The following EXOSC6 variants were observed in gnomAD, a reference collection of about 807,000 sequenced individuals.
The protein encoded by EXOSC6 is exosome component 6, also known as exosome complex component MTR3.
Under a neutral mutation model 16.7 loss-of-function variants are expected in EXOSC6, and 21 were observed. The ratio of observed to expected loss-of-function variants is 1.26; its 90% CI spans 0.89 to 1.82. EXOSC6 has a LOEUF of 1.82. Among genes scored for constraint, EXOSC6 ranks in the 40% most tolerant of loss-of-function variants. The probability of loss-of-function intolerance (pLI) is 0.00; values close to 1 mark genes in which losing one functional copy is unlikely to be tolerated. For missense variants in EXOSC6, 538 were observed against 415.7 expected, an observed-to-expected ratio of 1.29 and a Z score of -2.56; for synonymous variants, 297 against 217.1, an observed-to-expected ratio of 1.37 and a Z score of -3.24.
At position 70,250,666 on chromosome 16, in the gene EXOSC6, C is replaced by CAAAAAAAAAAAAAAAAA. The variant is rs11332602; in HGVS notation, c.*399_*415dup. ...CCTGGGCAACAGAACAAGACTCCATCAAAAAAAAAAAAAAAAAAAAAAGAA... is the reference window on the plus strand; with the variant it reads ...CCTGGGCAACAGAACAAGACTCCATCAAAAAAAAAAAAAAAAAAAAAAAAAAAAAAAAAAAAAAAGAA... On this transcript the variant is annotated 3_prime_UTR_variant, in exon 1 of 1. Coordinates refer to ENST00000435634, the MANE Select transcript of EXOSC6 (RefSeq NM_058219.3). 1 of 77,424 alleles carries CAAAAAAAAAAAAAAAAA rather than the reference C, an allele frequency of 1.3e-5. No homozygotes were observed. Among genetic ancestry groups the CAAAAAAAAAAAAAAAAA allele is most frequent in the African/African-American group, 4.6e-5 (1 of 21,920 alleles). The allele number at this position is 77,424 out of a possible 1,614,324, so 4.8% of individuals were successfully genotyped here. A position where few individuals can be genotyped will look rare whatever the true frequency, so the allele number is the denominator to read the frequency against.
rs550865784 is a variant in EXOSC6, at chr16:70,250,285, G to A, written c.*797C>T. The A allele has an allele frequency of 6.6e-6, 1 of 152,190 alleles. No individual in the cohort carries two copies. Among genetic ancestry groups the A allele is most frequent in the African/African-American group, 2.4e-5 (1 of 41,500 alleles). The allele number at this position is 152,190 out of a possible 1,614,324, so 9.4% of individuals were successfully genotyped here. ...CCCTGAATGCTACAGCATTATCCAG[G>A]GCCGCAGAAAACACACATAATACTT... On this transcript the variant is annotated 3_prime_UTR_variant, in exon 1 of 1. Coordinates refer to ENST00000435634, the MANE Select transcript of EXOSC6 (RefSeq NM_058219.3).
rs765097066 is a variant in EXOSC6, at chr16:70,251,778, C to G, written c.123G>C (p.Ala41=). 1.4e-6 allele frequency: 2 copies of G among 1,457,034 alleles called. No individual in the cohort carries two copies. The highest frequency in any genetic ancestry group is 5.8e-5 in the East Asian group (2 of 34,688). 90.3% of individuals were successfully genotyped at this position (1,457,034 alleles called of 1,614,324 possible). The change falls in exon 1 of 1, where the codon GCG becomes GCC. Residue 41 remains alanine, a synonymous_variant. Coordinates refer to ENST00000435634, the MANE Select transcript of EXOSC6 (RefSeq NM_058219.3). ...TGGCCTGGCTCAGCAGCCCGGCGCG[C>G]GCGTACACGGGCCGTAGCCGCGTTG... ...RDPTRLRPVY[A]RAGLLSQAKG...
rs1209862316 is a variant in EXOSC6, at chr16:70,250,702, AAAG to A, written c.*377_*379del. 2 of 201,088 alleles carry A rather than the reference AAAG, an allele frequency of 9.9e-6. No homozygotes were observed. The highest frequency in any genetic ancestry group is 4.7e-5 in the African/African-American group (2 of 42,928). 12.5% of individuals were successfully genotyped at this position (201,088 alleles called of 1,614,324 possible). ...AAAAAAAAAAAAGAAAGAAAGAAGA[AAAG>A]AAAATTAGCCAGGTGTGGTTGCATG... On this transcript the variant is annotated 3_prime_UTR_variant, in exon 1 of 1. Coordinates refer to ENST00000435634, the MANE Select transcript of EXOSC6 (RefSeq NM_058219.3).
At position 70,251,186 on chromosome 16, in the gene EXOSC6, C is replaced by T; in HGVS notation, c.715G>A (p.Glu239Lys). 6.6e-7 allele frequency: 1 copy of T among 1,519,558 alleles called. No homozygotes were observed. The highest frequency in any genetic ancestry group is 8.8e-7 in the Non-Finnish European group (1 of 1,141,868). The allele number at this position is 1,519,558 out of a possible 1,614,324, so 94.1% of individuals were successfully genotyped here. A position where few individuals can be genotyped will look rare whatever the true frequency, so the allele number is the denominator to read the frequency against. ...CCCTCGAGGCCCAGGCGTACGGCCT[C>T]CGCCCAGCTCTCTGTCAGGCCGCCC... ...GEGGLTESWAEAVRLGLEGCQ... is the reference protein window; with the variant it reads ...GEGGLTESWAKAVRLGLEGCQ... The change falls in exon 1 of 1, where the codon GAG (glutamate) becomes AAG (lysine). Residue 239 changes from glutamate to lysine, a missense_variant. Glu to Lys is a moderately conservative substitution (Grantham distance 56). Transcript: ENST00000435634.
chr16:70,251,755 G>C lies in EXOSC6; in HGVS notation c.146C>G (p.Ala49Gly), dbSNP rs1457024405. The C allele has an allele frequency of 1.1e-5, 16 of 1,427,996 alleles. No individual in the cohort carries two copies. The highest frequency in any genetic ancestry group is 1.5e-5 in the Non-Finnish European group (16 of 1,102,342). The allele number at this position is 1,427,996 out of a possible 1,614,324, so 88.5% of individuals were successfully genotyped here. ...CGCCTCCAGGTAGGCCGAGCCCTTG[G>C]CCTGGCTCAGCAGCCCGGCGCGCGC... The part of the protein sequence containing the change: ...VYARAGLLSQ[A>G]KGSAYLEAGG... The change falls in exon 1 of 1, where the codon GCC becomes GGC. Residue 49 changes from alanine to glycine, a missense_variant. Transcript: ENST00000435634.
In EXOSC6 at chr16:70,251,564, G is replaced by C. The variant is rs1413538349; in HGVS notation, c.337C>G (p.Pro113Ala). The C allele has an allele frequency of 8.8e-7, 1 of 1,136,048 alleles. No homozygotes were observed. The highest frequency in any genetic ancestry group is 1.6e-5 in the African/African-American group (1 of 60,654). The allele number at this position is 1,136,048 out of a possible 1,614,324, so 70.4% of individuals were successfully genotyped here. ...APFAGRRRRA[P>A]PGGCEERELA... ...TCACGCTCCTCGCAGCCGCCCGGGGGAGCGCGGCGCCGGCGGCCCGCGAAG... is the reference window on the plus strand; with the variant it reads ...TCACGCTCCTCGCAGCCGCCCGGGGCAGCGCGGCGCCGGCGGCCCGCGAAG... Residue 113 changes from proline (P) to alanine (A), a missense_variant, in exon 1 of 1, where the codon CCC (proline) becomes GCC (alanine). Pro to Ala is a conservative substitution (Grantham distance 27, BLOSUM62 -1). Coordinates refer to ENST00000435634, the MANE Select transcript of EXOSC6 (RefSeq NM_058219.3).
rs1959832314 is a variant in EXOSC6 at position 70,251,828 on chromosome 16, C to T, written c.73G>A (p.Glu25Lys). The stretch of plus-strand genomic sequence containing the variant: ...GGGTCGCGGGTGCCGGGCGCCTCCT[C>T]CTCGTCGGCCGCGTACAGCTGCGGC... ...QPPQLYAADE[E>K]EAPGTRDPTR... Residue 25 changes from glutamate to lysine, a missense_variant, in exon 1 of 1, where the codon GAG becomes AAG. Physicochemically the swap from Glu to Lys is moderately conservative, Grantham distance 56. Coordinates refer to ENST00000435634, the MANE Select transcript of EXOSC6 (RefSeq NM_058219.3). 7.8e-6 allele frequency: 12 copies of T among 1,539,772 alleles called. No homozygotes were observed. In the East Asian group the frequency reaches 1.6e-4, roughly 20 times the overall value.
chr16:70,251,491 C>G lies in EXOSC6; in HGVS notation c.410G>C (p.Gly137Ala). The G allele has an allele frequency of 7.6e-7, 1 of 1,310,048 alleles. No homozygotes were observed. Among genetic ancestry groups the G allele is most frequent in the Non-Finnish European group, 9.7e-7 (1 of 1,026,520 alleles). 81.2% of individuals were successfully genotyped at this position (1,310,048 alleles called of 1,614,324 possible). The stretch of plus-strand genomic sequence containing the variant: ...CTCGAGCTGCGCGCGCGGGTAGCGG[C>G]CCAGGCGCACAGCCGGCTCCAGCGC... Reference protein sequence around the residue: ...QEALEPAVRLGRYPRAQLEVS... With the variant: ...QEALEPAVRLARYPRAQLEVS... The change falls in exon 1 of 1, where the codon GGC becomes GCC. Residue 137 changes from glycine to alanine, a missense_variant. Coordinates refer to ENST00000435634, the MANE Select transcript of EXOSC6 (RefSeq NM_058219.3).
chr16:70,251,207 C>G lies in EXOSC6; in HGVS notation c.694G>C (p.Gly232Arg). 6.6e-7 allele frequency: 1 copy of G among 1,509,942 alleles called. No homozygotes were observed. The highest frequency in any genetic ancestry group is 2.7e-5 in the East Asian group (1 of 37,166). The allele number at this position is 1,509,942 out of a possible 1,614,324, so 93.5% of individuals were successfully genotyped here. A position where few individuals can be genotyped will look rare whatever the true frequency, so the allele number is the denominator to read the frequency against. Reference protein sequence around the residue: ...VAGLLGSGEGGLTESWAEAVR... With the variant: ...VAGLLGSGEGRLTESWAEAVR... ...GCCTCCGCCCAGCTCTCTGTCAGGC[C>G]GCCCTCGCCGCTGCCCAGCAGCCCG... is the stretch of plus-strand genomic sequence containing the variant. The change falls in exon 1 of 1, where the codon GGC (glycine) becomes CGC (arginine). Residue 232 changes from glycine (G) to arginine (R), a missense_variant. By Grantham distance (125) the Gly-to-Arg change is moderately radical. Transcript: ENST00000435634.
In EXOSC6 at chr16:70,249,808, G is replaced by C. The variant is rs977800008; in HGVS notation, c.*1274C>G. ...TCTCTAAAAATACAAAAAGTTAGCT[G>C]GGTGTGGTGGCAGGTGCCTGTAGTC... On this transcript the variant is annotated 3_prime_UTR_variant, in exon 1 of 1. Coordinates refer to ENST00000435634, the MANE Select transcript of EXOSC6 (RefSeq NM_058219.3). The C allele has an allele frequency of 6.6e-6, 1 of 152,054 alleles. No homozygotes were observed. Among genetic ancestry groups the C allele is most frequent in the Non-Finnish European group, 1.5e-5 (1 of 68,020 alleles). 9.4% of individuals were successfully genotyped at this position (152,054 alleles called of 1,614,324 possible). A position where few individuals can be genotyped will look rare whatever the true frequency, so the allele number is the denominator to read the frequency against.
rs1442610610 is a variant in EXOSC6 at position 70,251,425 on chromosome 16, G to A, written c.476C>T (p.Ala159Val). ...LLLEDGGSAL[A>V]AALTAAALAL... The stretch of plus-strand genomic sequence containing the variant: ...GAGCGCGGCGGCGGTGAGCGCGGCG[G>A]CCAGGGCCGAGCCACCGTCCTCCAG... Residue 159 changes from alanine (A) to valine (V), a missense_variant, in exon 1 of 1, where the codon GCC becomes GTC. Physicochemically the swap from Ala to Val is moderately conservative, Grantham distance 64. Coordinates refer to ENST00000435634, the MANE Select transcript of EXOSC6 (RefSeq NM_058219.3). 5 of 1,345,552 alleles carry A rather than the reference G, an allele frequency of 3.7e-6. No homozygotes were observed. Among genetic ancestry groups the A allele is most frequent in the South Asian group, 3.7e-5 (2 of 54,368 alleles). The allele number at this position is 1,345,552 out of a possible 1,614,324, so 83.4% of individuals were successfully genotyped here. A position where few individuals can be genotyped will look rare whatever the true frequency, so the allele number is the denominator to read the frequency against.
rs1023906277 is a variant in EXOSC6 at position 70,247,022 on chromosome 16, G to A, written c.*4060C>T. The A allele has an allele frequency of 6.4e-6, 3 of 465,440 alleles. No homozygotes were observed. Among genetic ancestry groups the A allele is most frequent in the African/African-American group, 2.1e-5 (1 of 48,560 alleles). The allele number at this position is 465,440 out of a possible 1,614,324, so 28.8% of individuals were successfully genotyped here. On this transcript the variant is annotated 3_prime_UTR_variant, in exon 1 of 1. Transcript: ENST00000435634. ...TAGTGTGGAGAAAACAAGCAAATTA[G>A]GTTATTTACTAAGTGACTACATAAA... is the stretch of plus-strand genomic sequence containing the variant.
In EXOSC6 at chr16:70,250,286, G is replaced by A. The variant is rs1330588751; in HGVS notation, c.*796C>T. The A allele has an allele frequency of 6.6e-6, 1 of 152,136 alleles. No individual in the cohort carries two copies. Among genetic ancestry groups the A allele is most frequent in the Non-Finnish European group, 1.5e-5 (1 of 68,042 alleles). The allele number at this position is 152,136 out of a possible 1,614,324, so 9.4% of individuals were successfully genotyped here. On this transcript the variant is annotated 3_prime_UTR_variant, in exon 1 of 1. Coordinates refer to ENST00000435634, the MANE Select transcript of EXOSC6 (RefSeq NM_058219.3). Reference sequence around the variant, plus strand: ...CCTGAATGCTACAGCATTATCCAGGGCCGCAGAAAACACACATAATACTTT... The same window carrying A: ...CCTGAATGCTACAGCATTATCCAGGACCGCAGAAAACACACATAATACTTT...
rs896159990 is a variant in EXOSC6, at chr16:70,247,439, G to A, written c.*3643C>T. The A allele has an allele frequency of 6.6e-6, 1 of 151,746 alleles. No individual in the cohort carries two copies. Among genetic ancestry groups the A allele is most frequent in the African/African-American group, 2.4e-5 (1 of 41,314 alleles). 9.4% of individuals were successfully genotyped at this position (151,746 alleles called of 1,614,324 possible). On this transcript the variant is annotated 3_prime_UTR_variant, in exon 1 of 1. Coordinates refer to ENST00000435634, the MANE Select transcript of EXOSC6 (RefSeq NM_058219.3). ...AATTTCAAATACAAAAAAGTAAAAC[G>A]GATTTGGGAAACTTTTCTATAAAGT...
chr16:70,247,790 C>A lies in EXOSC6; in HGVS notation c.*3292G>T, dbSNP rs993069694. 1 of 152,178 alleles carries A rather than the reference C, an allele frequency of 6.6e-6. No homozygotes were observed. The highest frequency in any genetic ancestry group is 2.4e-5 in the African/African-American group (1 of 41,446). The allele number at this position is 152,178 out of a possible 1,614,324, so 9.4% of individuals were successfully genotyped here. A position where few individuals can be genotyped will look rare whatever the true frequency, so the allele number is the denominator to read the frequency against. On this transcript the variant is annotated 3_prime_UTR_variant, in exon 1 of 1. Coordinates refer to ENST00000435634, the MANE Select transcript of EXOSC6 (RefSeq NM_058219.3). ...TCATTTTAGGCTGGGTGCAGTGGCT[C>A]ACACCTGTAACCCCAGCACTTTGGG...
rs1179156800 is a variant in EXOSC6 at position 70,251,556 on chromosome 16, G to A, written c.345C>T (p.Gly115=). Residue 115 remains glycine, a synonymous_variant, in exon 1 of 1, where the codon GGC becomes GGT. Coordinates refer to ENST00000435634, the MANE Select transcript of EXOSC6 (RefSeq NM_058219.3). ...GCGCCAGCTCACGCTCCTCGCAGCC[G>A]CCCGGGGGAGCGCGGCGCCGGCGGC... ...FAGRRRRAPP[G]GCEERELALA... is the part of the protein sequence containing the mutation. 9.5e-6 allele frequency: 11 copies of A among 1,155,616 alleles called. No homozygotes were observed. The East Asian group carries it at 1.3e-4, about 14-fold the overall frequency. The allele number at this position is 1,155,616 out of a possible 1,614,324, so 71.6% of individuals were successfully genotyped here.
chr16:70,251,402 G>A lies in EXOSC6; in HGVS notation c.499C>T (p.Leu167Phe). 2 of 1,343,600 alleles carry A rather than the reference G, an allele frequency of 1.5e-6. No individual in the cohort carries two copies. The highest frequency in any genetic ancestry group is 1.9e-6 in the Non-Finnish European group (2 of 1,054,280). The allele number at this position is 1,343,600 out of a possible 1,614,324, so 83.2% of individuals were successfully genotyped here. A position where few individuals can be genotyped will look rare whatever the true frequency, so the allele number is the denominator to read the frequency against. ...ALAAALTAAA[L>F]ALADAGVEMY... ...TCCACGCCCGCGTCGGCCAGGGCGA[G>A]CGCGGCGGCGGTGAGCGCGGCGGCC... Residue 167 changes from leucine (L) to phenylalanine (F), a missense_variant, in exon 1 of 1, where the codon CTC (leucine) becomes TTC (phenylalanine). By Grantham distance (22) the Leu-to-Phe change is conservative (BLOSUM62 0). Coordinates refer to ENST00000435634, the MANE Select transcript of EXOSC6 (RefSeq NM_058219.3).
rs1476636790 is a variant in EXOSC6, at chr16:70,249,007, A to G, written c.*2075T>C. On this transcript the variant is annotated 3_prime_UTR_variant, in exon 1 of 1. Transcript: ENST00000435634. ...TACATACCCAAAATAAAGCATATCA[A>G]AAACTGTAAAAAAAAAAAAAAAAAA... The G allele has an allele frequency of 1.6e-4, 23 of 141,308 alleles. No individual in the cohort carries two copies. The Admixed American group carries it at 1.6e-3, about 10-fold the overall frequency. 8.8% of individuals were successfully genotyped at this position (141,308 alleles called of 1,614,324 possible).
chr16:70,251,407 GC>G lies in EXOSC6; in HGVS notation c.493del (p.Ala165ProfsTer55). 7.5e-7 allele frequency: 1 copy of G among 1,339,528 alleles called. No homozygotes were observed. The highest frequency in any genetic ancestry group is 1.9e-5 in the South Asian group (1 of 51,598). The allele number at this position is 1,339,528 out of a possible 1,614,324, so 83.0% of individuals were successfully genotyped here. A position where few individuals can be genotyped will look rare whatever the true frequency, so the allele number is the denominator to read the frequency against. On this transcript the variant is annotated frameshift_variant, in exon 1 of 1. Transcript: ENST00000435634. LOFTEE classifies it high-confidence loss of function. ...GSALAAALTA[A>X]ALALADAGVE... ...GCCCGCGTCGGCCAGGGCGAGCGCG[GC>G]GGCGGTGAGCGCGGCGGCCAGGGCC...
Sources: gnomAD v4.1 joint callset for allele counts on GRCh38, gnomAD v4.1.1 for gene constraint, MANE v1.5 for transcripts, NCBI Gene and HGNC (gene_info 2026-07-23, HGNC 2026-07-21) for gene names.